BRAF: variants seen among roughly 807,000 people sequenced by gnomAD.
BRAF encodes serine/threonine-protein kinase B-raf.
In BRAF, 16 loss-of-function variants were observed where a neutral mutation model predicts 104.6. That is an observed-to-expected ratio of 0.15 (90% CI 0.10 to 0.23). The LOEUF (loss-of-function observed/expected upper bound fraction) is 0.23, where lower values mean the gene tolerates loss of function less well. Among genes scored for constraint, BRAF ranks in the 10% least tolerant of loss-of-function variants. The pLI is 1.00. For missense variants in BRAF, 541 were observed against 937.3 expected (o/e 0.58, Z 5.52); for synonymous variants, 310 against 341.6 (o/e 0.91, Z 1.02).
Position 140,783,087 on chromosome 7 carries a change from T to A in BRAF, c.1368A>T (p.Leu456Phe). 1 of 1,614,094 alleles carries A rather than the reference T, an allele frequency of 6.2e-7. No individual in the cohort carries two copies. Among genetic ancestry groups the A allele is most frequent in the Non-Finnish European group, 8.5e-7 (1 of 1,179,996 alleles). Residue 456 changes from leucine (L) to phenylalanine (F), a missense_variant, in exon 11 of 20, where the codon TTA (leucine) becomes TTT (phenylalanine). Leu to Phe is a conservative substitution (Grantham distance 22). Coordinates refer to ENST00000644969, the MANE Select transcript of BRAF (RefSeq NM_001374258.1). The stretch of plus-strand genomic sequence containing the variant: ...CTCGCTGAGGTCCTGGAGATTTCTG[T>A]AAGGCTTTCACGTTAGTTAGTGAGC... Reference protein sequence around the residue: ...LPGSLTNVKALQKSPGPQRER... With the variant: ...LPGSLTNVKAFQKSPGPQRER...
chr7:140,798,652 T>A (rs1307136891), intron 7 of BRAF, among the ~76,000 whole-genome samples: 1 of 149,934 alleles, frequency 6.7e-6, no homozygotes, highest in Non-Finnish European at 1.5e-5. Flanking sequence ...CACAGACCTG[T>A]GTCAGAAATG....
At chr7:140,773,355 T>C (rs551036718) in intron 14 of BRAF, 1 of 152,188 alleles carries the variant, frequency 6.6e-6, no homozygotes, top group Non-Finnish European at 1.5e-5. Flanking sequence ...GTCACTTTCT[T>C]TGGGTCTTTC....
chr7:140,813,888 T>TACACACAC (rs147877017), intron 3 of BRAF, among the ~76,000 whole-genome samples: 20 of 147,376 alleles, frequency 1.4e-4, no homozygotes, highest in Non-Finnish European at 2.0e-4. Flanking sequence ...GACGCATACA[T>TACACACAC]ACACACACAC....
At chr7:140,870,047 T>G (rs979502524) in intron 1 of BRAF, among the ~76,000 whole-genome samples, 1 of 152,176 alleles carries the variant, frequency 6.6e-6, no homozygotes. Flanking sequence ...CATCATTGCA[T>G]GTAGATCACA....
intron 1 of BRAF, among the ~76,000 whole-genome samples, chr7:140,875,190 A>G (rs1204533338): frequency 2.0e-5 from 3 of 152,246 alleles, no homozygotes; most frequent in African/African-American, 7.2e-5. Context: ...CATCTGTGTC[A>G]GTGAACTTCT....
At chr7:140,859,509 A>C (rs1810165498) in intron 1 of BRAF, among the ~76,000 whole-genome samples, 1 of 152,118 alleles carries the variant, frequency 6.6e-6, no homozygotes, top group African/African-American at 2.4e-5. Flanking sequence ...AATGACATGT[A>C]TGTGTGCATG....
chr7:140,809,798 T>C (rs531313679), intron 3 of BRAF, among the ~76,000 whole-genome samples: 1 of 151,818 alleles, frequency 6.6e-6, no homozygotes, highest in Non-Finnish European at 1.5e-5. Context: ...AAATCTGTTA[T>C]AGAATGAAGC....
chr7:140,750,587 T>C (rs1477739903), intron 16 of BRAF, among the ~76,000 whole-genome samples: 1 of 152,138 alleles, frequency 6.6e-6, no homozygotes, highest in East Asian at 1.9e-4. Context: ...CGTGAGAGGA[T>C]GGAAGTGAAG....
At chr7:140,894,565 A>T (rs1814661866) in intron 1 of BRAF, among the ~76,000 whole-genome samples, 1 of 152,170 alleles carries the variant, frequency 6.6e-6, no homozygotes, top group Admixed American at 6.5e-5. Flanking sequence ...GAGTTAAAAT[A>T]GTCCTGATTA....
At chr7:140,903,627 GGGCTATAGCC>G (rs1414307037) in intron 1 of BRAF, among the ~76,000 whole-genome samples, 2 of 152,118 alleles carry the variant, frequency 1.3e-5, no homozygotes, top group Non-Finnish European at 2.9e-5. Context: ...ACCTTTCATT[GGGCTATAGCC>G]GCCATAGATA....
chr7:140,816,802 T>C (rs191816759), intron 3 of BRAF, among the ~76,000 whole-genome samples: 1 of 152,188 alleles, frequency 6.6e-6, no homozygotes, highest in East Asian at 1.9e-4. Flanking sequence ...ATTTAGTAGT[T>C]TTAGGTACCG....
chr7:140,894,034 C>T (rs1041490048), intron 1 of BRAF, among the ~76,000 whole-genome samples: 6 of 151,768 alleles, frequency 4.0e-5, no homozygotes, highest in African/African-American at 9.7e-5. Context: ...ATTGAGAGGC[C>T]GAGATGGGAG....
intron 5 of BRAF, among the ~76,000 whole-genome samples, chr7:140,806,899 G>A (rs1803710307): frequency 6.6e-6 from 1 of 152,090 alleles, no homozygotes; most frequent in South Asian, 2.1e-4. Flanking sequence ...TCTGCTTTAA[G>A]AGCCCAGCTG....
chr7:140,917,554 AG>A, intron 1 of BRAF, among the ~76,000 whole-genome samples: 1 of 152,258 alleles, frequency 6.6e-6, no homozygotes, highest in South Asian at 2.1e-4. Context: ...TTGAGCCCAG[AG>A]TTCAAGTCCA....
chr7:140,894,053 G>C (rs1195474639), intron 1 of BRAF, among the ~76,000 whole-genome samples: 1 of 152,166 alleles, frequency 6.6e-6, no homozygotes, highest in African/African-American at 2.4e-5. Context: ...AGGATGGCTT[G>C]AGCCCAGGAG....
At chr7:140,836,033 T>C (rs958491680) in intron 2 of BRAF, 2 of 152,118 alleles carry the variant, frequency 1.3e-5, no homozygotes, top group East Asian at 1.9e-4. Flanking sequence ...CCTTGAAAGG[T>C]TGGCATTTAG....
rs1487156934 is a variant in BRAF at position 140,924,204 on chromosome 7, G to GGCCGCC, written c.138+356_138+361dup. ...AACTAACCTATATCCTCCACGTCGA[G>GGCCGCC]GCCGCCGCCGCCCCCACCCCACAGA... On this transcript the variant is annotated intron_variant, in intron 1 of 19. Transcript: ENST00000644969. The surrounding 1 kb of genome is among the most constrained non-coding windows in gnomAD (Gnocchi z 4.2). 2.6e-5 allele frequency among the ~76,000 whole-genome samples: 4 copies of GGCCGCC among 152,124 alleles called. No individual in the cohort carries two copies. The highest frequency in any genetic ancestry group is 5.9e-5 in the Non-Finnish European group (4 of 68,016).
At chr7:140,823,095 AT>A (rs1393414300) in intron 3 of BRAF, among the ~76,000 whole-genome samples, 3 of 152,190 alleles carry the variant, frequency 2.0e-5, no homozygotes, top group Non-Finnish European at 4.4e-5. Context: ...AAGCACTGAG[AT>A]TACAGGTGTG....
intron 17 of BRAF, among the ~76,000 whole-genome samples, chr7:140,746,834 A>AAAAAAAAAAAGAAAAAAG (rs1290532685): frequency 6.5e-4 from 98 of 151,434 alleles, no homozygotes; most frequent in Middle Eastern, 3.4e-3. Flanking sequence ...CGTCTTGGAA[A>AAAAAAAAAAAGAAAAAAG]AAAAAAAAAA....
Sources: gnomAD v4.1 joint callset for allele counts (sites outside exome capture counted in the v4.1 genomes callset) on GRCh38, gnomAD v4.1.1 for gene constraint, Gnocchi (gnomAD v3.1) non-coding constraint, MANE v1.5 for transcripts, NCBI Gene and HGNC (gene_info 2026-07-23, HGNC 2026-07-21) for gene names.